The following ANK2 variants were observed in gnomAD, a reference collection of about 807,000 sequenced individuals.
ANK2 encodes ankyrin-2.
Under a neutral mutation model 360.5 loss-of-function variants are expected in ANK2, and 83 were observed. The ratio of observed to expected loss-of-function variants is 0.23; its 90% CI spans 0.19 to 0.28. The LOEUF is 0.28. Among genes scored for constraint, ANK2 ranks in the 10% least tolerant of loss-of-function variants. The pLI is 1.00. For missense variants in ANK2, 4,201 were observed against 4,795.7 expected, an observed-to-expected ratio of 0.88 and a Z score of 3.66; for synonymous variants, 1,740 against 1,759.5, an observed-to-expected ratio of 0.99 and a Z score of 0.28.
intron 2 of ANK2, among the ~76,000 whole-genome samples, chr4:113,180,917 T>C (rs902829547): frequency 1.3e-5 from 2 of 152,218 alleles, no homozygotes; most frequent in African/African-American, 4.8e-5. Flanking sequence ...GGTTTTGGAT[T>C]CTGTGCCATC....
intron 28 of ANK2, among the ~76,000 whole-genome samples, 198 bp downstream of exon 28, chr4:113,332,268 C>A (rs1241656481): frequency 3.3e-5 from 5 of 152,112 alleles, no homozygotes; most frequent in Non-Finnish European, 7.4e-5. Flanking sequence ...GTTTTTATAT[C>A]TTTCCCCTTA....
chr4:113,045,509 T>G (rs979457640), upstream of ANK2, among the ~76,000 whole-genome samples: 1 of 152,230 alleles, frequency 6.6e-6, no homozygotes, highest in Non-Finnish European at 1.5e-5. Context: ...CCACTTTTTA[T>G]TTCAGTTTTA....
At chr4:112,850,545 C>A (rs368088537) in intron 1 of ANK2, among the ~76,000 whole-genome samples, 3 of 48,652 alleles carry the variant, frequency 6.2e-5, no homozygotes, top group South Asian at 7.7e-4. Flanking sequence ...GAGACAGAGT[C>A]TCTCTCTGTC....
chr4:112,920,013 T>C (rs569382540), intron 2 of ANK2, among the ~76,000 whole-genome samples: 2 of 152,214 alleles, frequency 1.3e-5, no homozygotes, highest in African/African-American at 4.8e-5. Context: ...AATTTTAGGT[T>C]TCTTGGGAAG....
chr4:112,926,114 A>C (rs1341134370), intron 2 of ANK2, among the ~76,000 whole-genome samples: 1 of 152,206 alleles, frequency 6.6e-6, no homozygotes, highest in African/African-American at 2.4e-5. Context: ...GTAGGTTTTC[A>C]GTAGTGTCAG....
chr4:113,235,378 G>C (rs2099363756), intron 5 of ANK2, among the ~76,000 whole-genome samples: 1 of 152,012 alleles, frequency 6.6e-6, no homozygotes, highest in Non-Finnish European at 1.5e-5. Flanking sequence ...GATTATTATT[G>C]CTGGTACTGC....
chr4:113,018,977 C>G (rs1007907732), intron 2 of ANK2, among the ~76,000 whole-genome samples: 3 of 152,100 alleles, frequency 2.0e-5, no homozygotes, highest in Non-Finnish European at 4.4e-5. Flanking sequence ...AATATTGGAT[C>G]CCTCCCCAAA....
rs1171039956 is a variant in ANK2, at chr4:113,289,202, GA to G, written c.2277+719del. 2.8e-5 allele frequency among the ~76,000 whole-genome samples: 4 copies of G among 145,154 alleles called. No homozygotes were observed. The South Asian group carries it at 6.7e-4, about 24-fold the overall frequency. On this transcript the variant is annotated intron_variant, in intron 20 of 45. Coordinates refer to ENST00000357077, the MANE Select transcript of ANK2 (RefSeq NM_001148.6). ...CACATTTATTTAAGTTCATATATCA[GA>G]AATTTCTTTTTCTTTTTTTTTTTTT...
At chr4:112,779,388 G>A in the ANK2 span, among the ~76,000 whole-genome samples, 1 of 152,014 alleles carries the variant, frequency 6.6e-6, no homozygotes, top group Non-Finnish European at 1.5e-5. Flanking sequence ...GCGTGGTGAT[G>A]GGCGCCTGTA....
chr4:113,354,261 A>T lies in ANK2; in HGVS notation c.5643A>T (p.Val1881=). The change falls in exon 38 of 46, where the codon GTA becomes GTT. Residue 1881 remains valine, a synonymous_variant. Coordinates refer to ENST00000357077, the MANE Select transcript of ANK2 (RefSeq NM_001148.6). ...GTAAAACTGAGAAACACTCACCTGT[A>T]TCACCCTCGACAAAAACTGAAAGGC... ...SSSKTEKHSP[V]SPSTKTERHS... 1.9e-6 allele frequency: 3 copies of T among 1,614,074 alleles called. No individual in the cohort carries two copies. The East Asian group carries it at 6.7e-5, about 36-fold the overall frequency.
At chr4:113,345,727 A>G (rs1426208611) in intron 34 of ANK2, among the ~76,000 whole-genome samples, 173 bp from the exon 35 acceptor site, 2 of 152,206 alleles carry the variant, frequency 1.3e-5, no homozygotes, top group Admixed American at 1.3e-4. Context: ...AAGAAAGCTG[A>G]ATGATTTTTA....
chr4:113,369,460 G>A (rs2154065365), intron 42 of ANK2, 54 bp from the exon 43 acceptor site: 2 of 1,584,342 alleles, frequency 1.3e-6, no homozygotes, highest in East Asian at 2.2e-5. Context: ...CCTTGCTTGA[G>A]CAGGAGGTGA....
upstream of ANK2, among the ~76,000 whole-genome samples, chr4:113,048,248 G>GTGTATA (rs1252407907): frequency 3.6e-3 from 132 of 36,236 alleles, 1 homozygote; most frequent in Non-Finnish European, 5.2e-3. Context: ...CTACAAGTGT[G>GTGTATA]TATATATATA....
At chr4:113,137,412 G>T (rs1298699839) in intron 1 of ANK2, among the ~76,000 whole-genome samples, 1 of 152,212 alleles carries the variant, frequency 6.6e-6, no homozygotes, top group Non-Finnish European at 1.5e-5. Context: ...GCAGCAAGGT[G>T]TATAGGGCTG....
chr4:112,888,602 A>G (rs1202469442), intron 1 of ANK2, among the ~76,000 whole-genome samples: 1 of 152,000 alleles, frequency 6.6e-6, no homozygotes, highest in South Asian at 2.1e-4. Context: ...AGAGAGAGTC[A>G]TGTCCGTTTT....
chr4:113,154,214 C>A (rs2097195221), intron 1 of ANK2, among the ~76,000 whole-genome samples: 1 of 152,126 alleles, frequency 6.6e-6, no homozygotes, highest in African/African-American at 2.4e-5. Context: ...AGTTTTAAAC[C>A]ATAACACTTA....
intron 1 of ANK2, among the ~76,000 whole-genome samples, chr4:113,107,278 G>A (rs1009022825): frequency 3.3e-5 from 5 of 152,042 alleles, no homozygotes; most frequent in Non-Finnish European, 5.9e-5. Flanking sequence ...GTGCAGTAGC[G>A]TGATAACGGC....
At chr4:113,197,399 A>T (rs1028163215) in intron 3 of ANK2, among the ~76,000 whole-genome samples, 5 of 152,178 alleles carry the variant, frequency 3.3e-5, no homozygotes, top group Admixed American at 2.0e-4. Flanking sequence ...TTAAAAAACT[A>T]TTATGAATGG....
chr4:112,794,190 T>A, the ANK2 span, among the ~76,000 whole-genome samples: 2 of 152,232 alleles, frequency 1.3e-5, no homozygotes, highest in Admixed American at 1.3e-4. Flanking sequence ...CTATAAAAGA[T>A]TATGAAAATC....
Sources: gnomAD v4.1 joint callset for allele counts (sites outside exome capture counted in the v4.1 genomes callset) on GRCh38, gnomAD v4.1.1 for gene constraint, MANE v1.5 for transcripts, NCBI Gene and HGNC (gene_info 2026-07-23, HGNC 2026-07-21) for gene names.